The following SEMA3C variants were observed in gnomAD, a reference collection of about 807,000 sequenced individuals.
SEMA3C encodes the protein semaphorin-3C.
Under a neutral mutation model 89.4 loss-of-function variants are expected in SEMA3C, and 47 were observed. That is an observed-to-expected ratio of 0.53 (90% confidence interval 0.42 to 0.67). The LOEUF is 0.67. Ranked by LOEUF, SEMA3C falls within the 30% of genes least tolerant of loss-of-function variation. The pLI, the probability that SEMA3C is intolerant of heterozygous loss-of-function variation, is 0.00. For missense variants in SEMA3C, 839 were observed against 929.1 expected (o/e 0.90, Z 1.26); for synonymous variants, 310 against 320.2 (o/e 0.97, Z 0.34).
chr7:80,821,088 TAG>T (rs899962896), intron 4 of SEMA3C, among the ~76,000 whole-genome samples: 3 of 152,330 alleles, frequency 2.0e-5, no homozygotes, highest in African/African-American at 4.8e-5. Flanking sequence ...AATATTTATT[TAG>T]AGTTTATTAC....
intron 2 of SEMA3C, among the ~76,000 whole-genome samples, chr7:80,839,303 A>C (rs1790209703): frequency 6.6e-6 from 1 of 152,186 alleles, no homozygotes; most frequent in African/African-American, 2.4e-5. Context: ...AGGAGGAAAC[A>C]CTTCATCTGA....
At chr7:80,760,041 G>T (rs1232111412) in intron 14 of SEMA3C, among the ~76,000 whole-genome samples, 1 of 152,018 alleles carries the variant, frequency 6.6e-6, no homozygotes, top group Non-Finnish European at 1.5e-5. Flanking sequence ...AAATAAGAGA[G>T]CATAAGATGG....
chr7:80,754,989 G>GGGGTTTT (rs975293543), intron 15 of SEMA3C, among the ~76,000 whole-genome samples: 3 of 7,422 alleles, frequency 4.0e-4, no homozygotes, highest in Admixed American at 3.3e-3. Context: ...TAGTAGAGAT[G>GGGGTTTT]GGGTTTTGCC....
chr7:80,879,154 C>G (rs1281961569), intron 2 of SEMA3C, among the ~76,000 whole-genome samples: 1 of 151,450 alleles, frequency 6.6e-6, no homozygotes, highest in African/African-American at 2.4e-5. Flanking sequence ...GTGCTTGCTA[C>G]CAAACAAGAG....
Position 80,743,141 on chromosome 7 carries a change from C to A in SEMA3C, c.*1753G>T, listed in dbSNP as rs1787720010. On this transcript the variant is annotated 3_prime_UTR_variant, in exon 18 of 18. Coordinates refer to ENST00000265361, the MANE Select transcript of SEMA3C (RefSeq NM_006379.5). Reference sequence around the variant, plus strand: ...GAAGAGAAAAGAAGTTTAATTATACCTTTTAAGCAGGCAAACCATTATAAT... The same window carrying A: ...GAAGAGAAAAGAAGTTTAATTATACATTTTAAGCAGGCAAACCATTATAAT... 2 of 151,902 alleles carry A rather than the reference C, an allele frequency of 1.3e-5. No individual in the cohort carries two copies. Among genetic ancestry groups the A allele is most frequent in the Non-Finnish European group, 2.9e-5 (2 of 67,810 alleles). 9.4% of individuals were successfully genotyped at this position (151,902 alleles called of 1,614,324 possible).
Position 80,838,624 on chromosome 7 carries a change from T to C in SEMA3C, c.104-9879A>G, listed in dbSNP as rs180736146. Among the ~76,000 whole-genome samples, 697 of 152,268 alleles carry C rather than the reference T, an allele frequency of 4.6e-3. 2 individuals are homozygous for C. The highest frequency in any genetic ancestry group is 0.014 in the South Asian group (67 of 4,826). ...AAAGATAGTACTTGGGACTGGGCAA[T>C]TCATATACAAGAGGTTTAATTGTCT... On this transcript the variant is annotated intron_variant, in intron 2 of 17. Coordinates refer to ENST00000265361, the MANE Select transcript of SEMA3C (RefSeq NM_006379.5).
At chr7:80,819,057 T>C (rs1487036719) in intron 4 of SEMA3C, among the ~76,000 whole-genome samples, 1 of 152,236 alleles carries the variant, frequency 6.6e-6, no homozygotes, top group South Asian at 2.1e-4. Flanking sequence ...TTGTCATACA[T>C]GCCCTGCTTT....
At chr7:80,763,001 AT>A (rs1014963767) in intron 13 of SEMA3C, among the ~76,000 whole-genome samples, 3 of 152,128 alleles carry the variant, frequency 2.0e-5, no homozygotes, top group Non-Finnish European at 4.4e-5. Context: ...CATTGTGACA[AT>A]TTTTGATCAT....
chr7:80,828,744 T>C lies in SEMA3C; in HGVS notation c.105A>G (p.Glu35=). The change falls in exon 3 of 18, where the codon GAA becomes GAG. Residue 35 remains glutamate (E), a splice_region_variant and synonymous_variant. Transcript: ENST00000265361. Reference sequence around the variant, plus strand: ...ATTCAGAGGTCTTGGTTTCTCGAAGTTCTGAAAGAGTGAACAGCACAAGTG... The same window carrying C: ...ATTCAGAGGTCTTGGTTTCTCGAAGCTCTGAAAGAGTGAACAGCACAAGTG... ...PQARVYLTFD[E]LRETKTSEYF... is the part of the protein sequence containing the mutation. 1 of 1,603,980 alleles carries C rather than the reference T, an allele frequency of 6.2e-7. No homozygotes were observed. The highest frequency in any genetic ancestry group is 8.5e-7 in the Non-Finnish European group (1 of 1,173,848).
At chr7:80,911,868 C>T (rs182361723) in intron 2 of SEMA3C, among the ~76,000 whole-genome samples, 5 of 152,166 alleles carry the variant, frequency 3.3e-5, no homozygotes, top group African/African-American at 1.2e-4. Context: ...CTCCTGACCT[C>T]GTGATCCACC....
intron 2 of SEMA3C, among the ~76,000 whole-genome samples, chr7:80,832,393 T>C (rs1790027704): frequency 1.3e-5 from 2 of 152,190 alleles, no homozygotes; most frequent in Non-Finnish European, 2.9e-5. Flanking sequence ...GATCAATATA[T>C]GCTCCTTTCA....
At chr7:80,843,313 C>T (rs1242437408) in intron 2 of SEMA3C, among the ~76,000 whole-genome samples, 2 of 152,210 alleles carry the variant, frequency 1.3e-5, no homozygotes, top group South Asian at 2.1e-4. Flanking sequence ...ATCACATGTA[C>T]TCTATGTATT....
intron 2 of SEMA3C, among the ~76,000 whole-genome samples, chr7:80,872,211 C>T (rs1470443350): frequency 2.6e-5 from 4 of 152,174 alleles, no homozygotes; most frequent in South Asian, 4.1e-4. Flanking sequence ...AGTGCAGTGG[C>T]GCAATCTCGG....
intron 14 of SEMA3C, among the ~76,000 whole-genome samples, chr7:80,758,915 A>C (rs1788125791): frequency 6.6e-6 from 1 of 152,232 alleles, no homozygotes; most frequent in African/African-American, 2.4e-5. Context: ...AATAAAGGGC[A>C]TTTTAAGTTT....
At position 80,743,500 on chromosome 7, in the gene SEMA3C, G is replaced by C. The variant is rs932313731; in HGVS notation, c.*1394C>G. The stretch of plus-strand genomic sequence containing the variant: ...GGATTAGGTACATGGTACAATATCT[G>C]TTTTTACCTGGAAGCATGAAAATGT... On this transcript the variant is annotated 3_prime_UTR_variant, in exon 18 of 18. Coordinates refer to ENST00000265361, the MANE Select transcript of SEMA3C (RefSeq NM_006379.5). 4 of 151,694 alleles carry C rather than the reference G, an allele frequency of 2.6e-5. No homozygotes were observed. The highest frequency in any genetic ancestry group is 9.7e-5 in the African/African-American group (4 of 41,386). 9.4% of individuals were successfully genotyped at this position (151,694 alleles called of 1,614,324 possible). A position where few individuals can be genotyped will look rare whatever the true frequency, so the allele number is the denominator to read the frequency against.
At position 80,862,785 on chromosome 7, in the gene SEMA3C, C is replaced by T. The variant is rs560291224; in HGVS notation, c.104-34040G>A. Among the ~76,000 whole-genome samples the T allele has an allele frequency of 8.5e-4, 130 of 152,092 alleles. 1 individual carries two copies. The South Asian group carries it at 0.026, about 31-fold the overall frequency. On this transcript the variant is annotated intron_variant, in intron 2 of 17. Transcript: ENST00000265361. ...ACAGAATAGAGAACCCAGAAATAAA[C>T]CCAAATACTTACAGTCAACTGATCT...
At chr7:80,874,210 A>T (rs551456341) in intron 2 of SEMA3C, among the ~76,000 whole-genome samples, 2 of 152,244 alleles carry the variant, frequency 1.3e-5, no homozygotes, top group East Asian at 3.9e-4. Context: ...CCTAGAATTG[A>T]CTGCTCCTAA....
At chr7:80,803,378 G>T (rs1583892255) in intron 8 of SEMA3C, among the ~76,000 whole-genome samples, 1 of 152,150 alleles carries the variant, frequency 6.6e-6, no homozygotes, top group South Asian at 2.1e-4. Context: ...TACCCCTTCT[G>T]CTGACTTCGC....
chr7:80,921,575 C>A (rs1025197038), upstream of SEMA3C, among the ~76,000 whole-genome samples: 2 of 152,196 alleles, frequency 1.3e-5, no homozygotes, highest in East Asian at 1.9e-4. Context: ...AAGTGGAAAA[C>A]AACAGCTAAT....
Sources: allele counts gnomAD v4.1 joint callset (sites outside exome capture counted in the v4.1 genomes callset), GRCh38; gene constraint gnomAD v4.1.1; transcripts MANE v1.5; gene names NCBI Gene and HGNC (gene_info 2026-07-23, HGNC 2026-07-21).